Variants in SPEF2 observed in about 807,000 individuals in gnomAD.
SPEF2 encodes the protein sperm flagellar and cilia associated 2, also known as sperm flagella and cilia-associated protein 2.
A neutral mutation model predicts 224.6 loss-of-function variants in SPEF2; 187 were observed. The ratio of observed to expected loss-of-function variants is 0.83; its 90% CI spans 0.74 to 0.94. The LOEUF (loss-of-function observed/expected upper bound fraction) is 0.94. Among genes scored for constraint, SPEF2 ranks in the 40% least tolerant of loss-of-function variants. The pLI is 0.00. For synonymous variants in SPEF2, 715 were observed against 707.3 expected, an observed-to-expected ratio of 1.01 and a Z score of -0.17; for missense variants, 2,170 against 2,135.6, an observed-to-expected ratio of 1.02 and a Z score of -0.32.
At position 35,659,019 on chromosome 5, in the gene SPEF2, G is replaced by C; in HGVS notation, c.979G>C (p.Glu327Gln). ...DQLIAHEAQEEAYREEQLINR... is the reference protein window; with the variant it reads ...DQLIAHEAQEQAYREEQLINR... Reference sequence around the variant, plus strand: ...CAAATAATTCCCCTGGTGTTTTCAGGAGGCTTATCGGGAGGAACAGCTGAT... The same window carrying C: ...CAAATAATTCCCCTGGTGTTTTCAGCAGGCTTATCGGGAGGAACAGCTGAT... The change falls in exon 8 of 37, where the codon GAG becomes CAG. Residue 327 changes from glutamate to glutamine, a missense_variant and splice_region_variant. Physicochemically the swap from Glu to Gln is conservative, Grantham distance 29 (BLOSUM62 2). Transcript: ENST00000356031. The C allele has an allele frequency of 6.5e-7, 1 of 1,540,430 alleles. No homozygotes were observed.
intron 34 of SPEF2, among the ~76,000 whole-genome samples, 188 bp from the exon 35 acceptor site, chr5:35,806,519 G>T (rs1271167974): frequency 2.0e-5 from 3 of 152,170 alleles, no homozygotes; most frequent in African/African-American, 7.2e-5. Flanking sequence ...AAGTAAAACT[G>T]GTCTTGAATT....
intron 12 of SPEF2, among the ~76,000 whole-genome samples, chr5:35,693,652 T>C (rs1212220552): frequency 6.6e-6 from 1 of 152,152 alleles, no homozygotes; most frequent in Non-Finnish European, 1.5e-5. Flanking sequence ...GGCTTGTCAA[T>C]AGCTTCTCTA....
rs1748089841 is a variant in SPEF2, at chr5:35,650,823, CAGTT to C, written c.791+1403_791+1406del. Among the ~76,000 whole-genome samples the C allele has an allele frequency of 3.3e-5, 5 of 152,348 alleles. No individual in the cohort carries two copies. The South Asian group carries it at 1.0e-3, about 32-fold the overall frequency. ...ACCCAACCAGACCCTAGGTCTCTAT[CAGTT>C]AGTTTCAGAAACCCCAAAACAACAG... is the stretch of plus-strand genomic sequence containing the variant. On this transcript the variant is annotated intron_variant, in intron 6 of 36. Coordinates refer to ENST00000356031, the MANE Select transcript of SPEF2 (RefSeq NM_024867.4).
intron 10 of SPEF2, 44 bp downstream of exon 10, chr5:35,670,271 C>A (rs754501326): frequency 2.0e-6 from 3 of 1,524,578 alleles, no homozygotes; most frequent in Non-Finnish European, 1.8e-6. Context: ...ATAATAAATC[C>A]TTTTTCTTTA....
In SPEF2 at chr5:35,793,195, G is replaced by A. The variant is rs201259522; in HGVS notation, c.4591G>A (p.Glu1531Lys). ...AACATCTTTATTAACAGTCAACTCC[G>A]AGTTCGTGGACTGGCGGAAGTTCCT... is the stretch of plus-strand genomic sequence containing the variant. ...ELTSLLTVNS[E>K]FVDWRKFLLV... is the part of the protein sequence containing the mutation. Residue 1531 changes from glutamate (E) to lysine (K), a missense_variant, in exon 32 of 37, where the codon GAG becomes AAG. Transcript: ENST00000356031. 8.7e-6 allele frequency: 14 copies of A among 1,614,078 alleles called. No homozygotes were observed. The highest frequency in any genetic ancestry group is 3.3e-5 in the Admixed American group (2 of 60,004).
rs531461562 is a variant in SPEF2 at position 35,651,727 on chromosome 5, A to G, written c.791+2302A>G. On this transcript the variant is annotated intron_variant, in intron 6 of 36. Transcript: ENST00000356031. ...CTCCAGAAGGCAATACAGTCTCCCAACTTGAACCTCAGGAGCACTTTCTGC... is the reference window on the plus strand; with the variant it reads ...CTCCAGAAGGCAATACAGTCTCCCAGCTTGAACCTCAGGAGCACTTTCTGC... Among the ~76,000 whole-genome samples the G allele has an allele frequency of 9.9e-5, 15 of 152,258 alleles. No homozygotes were observed. The South Asian group carries it at 2.7e-3, about 27-fold the overall frequency.
chr5:35,750,626 A>G (rs1749261416), intron 23 of SPEF2, among the ~76,000 whole-genome samples: 1 of 152,146 alleles, frequency 6.6e-6, no homozygotes, highest in African/African-American at 2.4e-5. Flanking sequence ...GGGAAATGCA[A>G]ATCAAAACCA....
intron 36 of SPEF2, chr5:35,807,991 A>C: frequency 7.7e-7 from 1 of 1,294,332 alleles, no homozygotes; most frequent in Non-Finnish European, 9.8e-7. Flanking sequence ...TGTGTATTGA[A>C]CTACAAAGTG....
At chr5:35,660,184 A>G (rs934574307) in intron 8 of SPEF2, among the ~76,000 whole-genome samples, 1 of 152,194 alleles carries the variant, frequency 6.6e-6, no homozygotes, top group African/African-American at 2.4e-5. Flanking sequence ...GATTGATTTT[A>G]TTAATGGAGT....
At chr5:35,722,982 G>T (rs1216680591) in intron 20 of SPEF2, among the ~76,000 whole-genome samples, 1 of 152,046 alleles carries the variant, frequency 6.6e-6, no homozygotes, top group Non-Finnish European at 1.5e-5. Context: ...GCTCACAGAT[G>T]GTTTAAAGGG....
At chr5:35,770,182 C>T (rs780424015) in intron 26 of SPEF2, among the ~76,000 whole-genome samples, 30 of 151,850 alleles carry the variant, frequency 2.0e-4, no homozygotes, top group Non-Finnish European at 2.5e-4. Context: ...AAGTACAACC[C>T]CAGTGACACA....
At chr5:35,806,682 A>G (rs778179228) in intron 34 of SPEF2, 25 bp from the exon 35 acceptor site, 1 of 1,592,568 alleles carries the variant, frequency 6.3e-7, no homozygotes, top group East Asian at 2.2e-5. Context: ...GTTTAACTTC[A>G]TGTTCTCTTC....
intron 10 of SPEF2, among the ~76,000 whole-genome samples, chr5:35,679,136 G>A (rs1417073188): frequency 6.6e-6 from 1 of 152,090 alleles, no homozygotes; most frequent in African/African-American, 2.4e-5. Context: ...AACAGTAACT[G>A]GAATATAGCC....
chr5:35,699,752 G>A (rs1322469031), intron 15 of SPEF2: 2 of 152,220 alleles, frequency 1.3e-5, no homozygotes, highest in East Asian at 3.8e-4. Flanking sequence ...GAGGTGCAAA[G>A]GAGGAACAGT....
intron 36 of SPEF2, among the ~76,000 whole-genome samples, chr5:35,813,269 G>C (rs962758135): frequency 2.0e-5 from 3 of 152,162 alleles, no homozygotes; most frequent in African/African-American, 4.8e-5. Context: ...GAGGTGGGAG[G>C]ATTGCTTGAG....
At chr5:35,803,229 T>C (rs1404322767) in intron 34 of SPEF2, among the ~76,000 whole-genome samples, 1 of 152,126 alleles carries the variant, frequency 6.6e-6, no homozygotes, top group African/African-American at 2.4e-5. Context: ...GAGGCTGAGA[T>C]GAGCAGGAAA....
chr5:35,674,474 C>T (rs764092429), intron 10 of SPEF2, among the ~76,000 whole-genome samples: 4 of 149,868 alleles, frequency 2.7e-5, no homozygotes, highest in Non-Finnish European at 4.4e-5. Flanking sequence ...TGTGCTGTAC[C>T]CATTAACTCG....
At chr5:35,775,692 G>GA (rs1753516303) in intron 28 of SPEF2, among the ~76,000 whole-genome samples, 1 of 152,086 alleles carries the variant, frequency 6.6e-6, no homozygotes, top group Admixed American at 6.6e-5. Flanking sequence ...AAGAGAGTTA[G>GA]AAAAAGTAGG....
intron 23 of SPEF2, among the ~76,000 whole-genome samples, chr5:35,752,205 G>A (rs1218182117): frequency 6.6e-6 from 1 of 152,060 alleles, no homozygotes; most frequent in African/African-American, 2.4e-5. Context: ...GCCATGGATG[G>A]GTACCACCTC....
Sources: gnomAD v4.1 joint callset for allele counts (sites outside exome capture counted in the v4.1 genomes callset) on GRCh38, gnomAD v4.1.1 for gene constraint, MANE v1.5 for transcripts, NCBI Gene and HGNC (gene_info 2026-07-23, HGNC 2026-07-21) for gene names.